The following MED6 variants were observed in gnomAD, a reference collection of about 807,000 sequenced individuals.
The protein encoded by MED6 is mediator of RNA polymerase II transcription subunit 6.
A neutral mutation model predicts 37.5 loss-of-function variants in MED6; 33 were observed. That is an observed-to-expected ratio of 0.88 (90% CI 0.67 to 1.18). The LOEUF (loss-of-function observed/expected upper bound fraction) is 1.18. MED6 is among the 50% of genes most tolerant of loss of function. The probability of loss-of-function intolerance (pLI) is 0.00; values close to 1 mark genes in which losing one functional copy is unlikely to be tolerated. For missense variants in MED6, 235 were observed against 290.6 expected (o/e 0.81, Z 1.39); for synonymous variants, 94 against 93.6 (o/e 1.00, Z -0.02).
intron 2 of MED6, 47 bp downstream of exon 2, chr14:70,597,571 G>T: frequency 7.1e-7 from 1 of 1,400,440 alleles, no homozygotes; most frequent in South Asian, 1.8e-5. Context: ...ACTGTTCATT[G>T]CAAAACTTGT....
At position 70,592,770 on chromosome 14, in the gene MED6, G is replaced by A. The variant is rs530484823; in HGVS notation, c.466+110C>T. 35 of 1,240,222 alleles carry A rather than the reference G, an allele frequency of 2.8e-5. No individual in the cohort carries two copies. The East Asian group carries it at 8.5e-4, about 30-fold the overall frequency. The allele number at this position is 1,240,222 out of a possible 1,614,324, so 76.8% of individuals were successfully genotyped here. Reference sequence around the variant, plus strand: ...AGCTGCAACAAAGCCATCATCCCATGAAAAAGTGAAACACACTTAGAAAAG... The same window carrying A: ...AGCTGCAACAAAGCCATCATCCCATAAAAAAGTGAAACACACTTAGAAAAG... On this transcript the variant is annotated intron_variant, in intron 5 of 7. Coordinates refer to ENST00000256379, the MANE Select transcript of MED6 (RefSeq NM_005466.4).
At chr14:70,594,191 C>T (rs78923838) in intron 3 of MED6, among the ~76,000 whole-genome samples, 7,771 of 152,300 alleles carry the variant, frequency 0.051, 256 homozygotes, top group Middle Eastern at 0.099. Context: ...TCTGGCTCCC[C>T]TATCTTGAAT....
At chr14:70,593,070 T>G in intron 4 of MED6, 82 bp from the exon 5 acceptor site, 1 of 1,562,144 alleles carries the variant, frequency 6.4e-7, no homozygotes, top group Non-Finnish European at 8.7e-7. Flanking sequence ...ATATTACATA[T>G]GCAAAGACAG....
intron 6 of MED6, among the ~76,000 whole-genome samples, chr14:70,586,220 A>G (rs1884702556): frequency 6.6e-6 from 1 of 152,232 alleles, no homozygotes. Context: ...CATGACTTTT[A>G]AAGTTGGTAG....
intron 6 of MED6, among the ~76,000 whole-genome samples, chr14:70,587,601 A>G (rs1293475157): frequency 2.0e-5 from 3 of 152,210 alleles, no homozygotes; most frequent in Non-Finnish European, 4.4e-5. Context: ...CTATATTTGG[A>G]CATTGGAATA....
rs772765142 is a variant in MED6, at chr14:70,591,371, T to A, written c.477A>T (p.Arg159Ser). Residue 159 changes from arginine to serine, a missense_variant, in exon 6 of 8, where the codon AGA becomes AGT. Physicochemically the swap from Arg to Ser is moderately radical, Grantham distance 110. Transcript: ENST00000256379. ...FKDHEEQDKV[R>S]PKAKRKEEPS... is the part of the protein sequence containing the mutation. Reference sequence around the variant, plus strand: ...GTTCTTCTTTCCTTTTGGCTTTAGGTCTGACTTTATCTATTAAAATACGAA... The same window carrying A: ...GTTCTTCTTTCCTTTTGGCTTTAGGACTGACTTTATCTATTAAAATACGAA... The A allele has an allele frequency of 4.4e-6, 7 of 1,599,218 alleles. No individual in the cohort carries two copies. The South Asian group carries it at 4.6e-5, about 10-fold the overall frequency.
chr14:70,597,907 C>T (rs1303907980), intron 1 of MED6, 130 bp from the exon 2 acceptor site: 2 of 580,198 alleles, frequency 3.4e-6, no homozygotes, highest in African/African-American at 2.0e-5. Context: ...AACCAACACA[C>T]TCTCATGATG....
chr14:70,594,686 C>G (rs760664823), intron 3 of MED6: 1 of 454,400 alleles, frequency 2.2e-6, no homozygotes. Context: ...GTTCCCAGAT[C>G]TCCGTGTCCC....
At chr14:70,598,709 A>T (rs1051282625) in intron 1 of MED6, among the ~76,000 whole-genome samples, 1 of 151,796 alleles carries the variant, frequency 6.6e-6, no homozygotes, top group African/African-American at 2.4e-5. Flanking sequence ...TGAAGAAGTG[A>T]TAAGATTTAA....
intron 6 of MED6, among the ~76,000 whole-genome samples, chr14:70,587,142 A>G (rs1032733117): frequency 6.6e-6 from 1 of 152,208 alleles, no homozygotes; most frequent in Non-Finnish European, 1.5e-5. Context: ...CAGAAATATC[A>G]CACATATGTT....
At chr14:70,585,146 T>C (rs1289097200) in intron 7 of MED6, among the ~76,000 whole-genome samples, 1 of 152,196 alleles carries the variant, frequency 6.6e-6, no homozygotes, top group Non-Finnish European at 1.5e-5. Flanking sequence ...TTAATGATAC[T>C]AGACAAAACT....
chr14:70,588,685 CAAAAATAATAAT>C (rs1486128750), intron 6 of MED6, among the ~76,000 whole-genome samples: 2 of 111,258 alleles, frequency 1.8e-5, no homozygotes, highest in African/African-American at 6.8e-5. Flanking sequence ...GACTCCGTCT[CAAAAATAATAAT>C]AATAATAATA....
intron 6 of MED6, among the ~76,000 whole-genome samples, chr14:70,589,592 A>G (rs1566674857): frequency 6.6e-6 from 1 of 152,222 alleles, no homozygotes; most frequent in Non-Finnish European, 1.5e-5. Context: ...TATGATAGCT[A>G]TTGGTTTAAA....
At chr14:70,592,680 C>CAA in intron 5 of MED6, 200 bp downstream of exon 5, 1 of 447,520 alleles carries the variant, frequency 2.2e-6, no homozygotes, top group Non-Finnish European at 4.0e-6. Flanking sequence ...AGTTAACTAA[C>CAA]AGAGTGAACT....
At position 70,600,641 on chromosome 14, in the gene MED6, T is replaced by TC. The variant is rs764127116; in HGVS notation, c.-5dup. 6.2e-7 allele frequency: 1 copy of TC among 1,613,044 alleles called. No individual in the cohort carries two copies. The highest frequency in any genetic ancestry group is 1.1e-5 in the South Asian group (1 of 90,980). ...CTCGGATATCCACCGCCGCCATAAT[T>TC]CCGAGAGCGTTTACAGGTTCTCTTT... On this transcript the variant is annotated 5_prime_UTR_variant, in exon 1 of 8. Transcript: ENST00000256379.
chr14:70,591,121 C>T (rs1192460759), intron 6 of MED6, 145 bp downstream of exon 6: 3 of 620,190 alleles, frequency 4.8e-6, no homozygotes, highest in African/African-American at 3.8e-5. Context: ...TCTTTCGAAA[C>T]CTTTCCTTTG....
At chr14:70,596,522 A>G in intron 3 of MED6, 89 bp downstream of exon 3, 2 of 1,007,236 alleles carry the variant, frequency 2.0e-6, no homozygotes, top group Non-Finnish European at 3.0e-6. Flanking sequence ...CCCCAAACAG[A>G]AACCAATCAA....
At chr14:70,586,890 T>C (rs79901469) in intron 6 of MED6, among the ~76,000 whole-genome samples, 3,388 of 152,334 alleles carry the variant, frequency 0.022, 63 homozygotes, top group African/African-American at 0.061. Context: ...AAAGGCCTGC[T>C]TGCAAGGTTG....
intron 1 of MED6, 144 bp from the exon 2 acceptor site, chr14:70,597,921 CA>C (rs1885092229): frequency 3.9e-6 from 2 of 508,936 alleles, no homozygotes; most frequent in African/African-American, 4.0e-5. Flanking sequence ...CATGATGTAA[CA>C]GAAGAGATTA....
Sources: allele counts gnomAD v4.1 joint callset (sites outside exome capture counted in the v4.1 genomes callset), GRCh38; gene constraint gnomAD v4.1.1; transcripts MANE v1.5; gene names NCBI Gene and HGNC (gene_info 2026-07-23, HGNC 2026-07-21).